Variants in MAP2K5 observed in about 807,000 individuals in gnomAD.
The protein encoded by MAP2K5 is mitogen-activated protein kinase kinase 5.
A neutral mutation model predicts 83.1 loss-of-function variants in MAP2K5; 49 were observed. The ratio of observed to expected loss-of-function variants is 0.59; its 90% CI spans 0.47 to 0.75. MAP2K5 has a LOEUF of 0.75. MAP2K5 is among the 30% of genes least tolerant of loss of function. The pLI is 0.00. For synonymous variants in MAP2K5, 202 were observed against 191.8 expected, an observed-to-expected ratio of 1.05 and a Z score of -0.44; for missense variants, 457 against 557.5, an observed-to-expected ratio of 0.82 and a Z score of 1.82.
At chr15:67,629,472 A>T (rs2141085290) in intron 8 of MAP2K5, among the ~76,000 whole-genome samples, 1 of 152,324 alleles carries the variant, frequency 6.6e-6, no homozygotes, top group East Asian at 1.9e-4. Context: ...TCTTTTTTAA[A>T]AAAATATTTG....
In MAP2K5 at chr15:67,738,406, C is replaced by G. The variant is rs2089393925; in HGVS notation, c.1075-9825C>G. 6.6e-6 allele frequency among the ~76,000 whole-genome samples: 1 copy of G among 152,212 alleles called. No individual in the cohort carries two copies. Among genetic ancestry groups the G allele is most frequent in the Non-Finnish European group, 1.5e-5 (1 of 68,034 alleles). Reference sequence around the variant, plus strand: ...GATAGCCCTATGCCTTCTTGGTAGCCAGGCAGCTGGAAACACTCAGTGATT... The same window carrying G: ...GATAGCCCTATGCCTTCTTGGTAGCGAGGCAGCTGGAAACACTCAGTGATT... On this transcript the variant is annotated intron_variant, in intron 17 of 21. Coordinates refer to ENST00000178640, the MANE Select transcript of MAP2K5 (RefSeq NM_145160.3). This position sits in a 1 kb window ranked among gnomAD's most constrained non-coding sequence, Gnocchi z 4.1.
At chr15:67,598,269 A>G (rs186861263) in intron 7 of MAP2K5, among the ~76,000 whole-genome samples, 71 of 152,278 alleles carry the variant, frequency 4.7e-4, no homozygotes, top group East Asian at 2.1e-3. Context: ...AAAGGTTTGC[A>G]TAACTTTAAA....
At position 67,573,847 on chromosome 15, in the gene MAP2K5, A is replaced by C. The variant is rs1444860699; in HGVS notation, c.253-6907A>C. 1.3e-5 allele frequency among the ~76,000 whole-genome samples: 2 copies of C among 152,210 alleles called. No homozygotes were observed. The highest frequency in any genetic ancestry group is 4.8e-5 in the African/African-American group (2 of 41,452). ...GAAGACAGTAGTTACACAAAGATGA[A>C]TAATCCTGTGTCACCAGCCTTGTAG... On this transcript the variant is annotated intron_variant, in intron 3 of 21. Transcript: ENST00000178640. The surrounding 1 kb of genome is among the most constrained non-coding windows in gnomAD (Gnocchi z 4.2).
chr15:67,658,355 A>G (rs930309189), intron 11 of MAP2K5, among the ~76,000 whole-genome samples, 198 bp from the exon 12 acceptor site: 5 of 152,164 alleles, frequency 3.3e-5, no homozygotes, highest in Non-Finnish European at 5.9e-5. Flanking sequence ...TCAGAATAAA[A>G]TGGAAATATC....
Position 67,757,195 on chromosome 15 carries a change from C to G in MAP2K5, c.1134+8594C>G, listed in dbSNP as rs1418001503. Reference sequence around the variant, plus strand: ...ATAAGGGTTCCCTTTTCTCCACATCCTCACCATCCCTAGTTACCTTTTGAC... The same window carrying G: ...ATAAGGGTTCCCTTTTCTCCACATCGTCACCATCCCTAGTTACCTTTTGAC... On this transcript the variant is annotated intron_variant, in intron 19 of 21. Coordinates refer to ENST00000178640, the MANE Select transcript of MAP2K5 (RefSeq NM_145160.3). This position sits in a 1 kb window ranked among gnomAD's most constrained non-coding sequence, Gnocchi z 4.9. Among the ~76,000 whole-genome samples the G allele has an allele frequency of 1.3e-5, 2 of 152,184 alleles. No homozygotes were observed. Among genetic ancestry groups the G allele is most frequent in the African/African-American group, 4.8e-5 (2 of 41,430 alleles).
At chr15:67,580,134 T>A (rs1380764658) in intron 3 of MAP2K5, among the ~76,000 whole-genome samples, 1 of 152,224 alleles carries the variant, frequency 6.6e-6, no homozygotes, top group African/African-American at 2.4e-5. Context: ...CTTAGAACTT[T>A]ATTTTTTGTG....
At chr15:67,588,159 T>C in intron 6 of MAP2K5, 3 of 949,742 alleles carry the variant, frequency 3.2e-6, no homozygotes, top group Non-Finnish European at 3.8e-6. Context: ...CCTTCACATA[T>C]GGGTGCTCTG....
rs944886585 is a variant in MAP2K5, at chr15:67,782,191, C to T, written c.1242+9439C>T. On this transcript the variant is annotated intron_variant, in intron 21 of 21. Coordinates refer to ENST00000178640, the MANE Select transcript of MAP2K5 (RefSeq NM_145160.3). This position sits in a 1 kb window ranked among gnomAD's most constrained non-coding sequence, Gnocchi z 4.9. ...CCTTTCACAAAGAGGCAGTGTCTCC[C>T]GCCTCTGCGGTTTCAATAATTTTAA... Among the ~76,000 whole-genome samples, 7 of 152,314 alleles carry T rather than the reference C, an allele frequency of 4.6e-5. No individual in the cohort carries two copies. The highest frequency in any genetic ancestry group is 8.8e-5 in the Non-Finnish European group (6 of 68,036).
At chr15:67,648,577 C>CT (rs56211889) in intron 11 of MAP2K5, among the ~76,000 whole-genome samples, 3 of 141,376 alleles carry the variant, frequency 2.1e-5, no homozygotes, top group African/African-American at 7.8e-5. Context: ...GTTTTCAGTT[C>CT]TTTTTTTTTT....
rs1218109275 is a variant in MAP2K5 at position 67,770,070 on chromosome 15, T to A, written c.1196+407T>A. 6.3e-6 allele frequency: 1 copy of A among 158,160 alleles called. No individual in the cohort carries two copies. The highest frequency in any genetic ancestry group is 1.4e-5 in the Non-Finnish European group (1 of 72,178). 9.8% of individuals were successfully genotyped at this position (158,160 alleles called of 1,614,324 possible). ...CACTTAGTGGAAGCAGCATAGTTTA[T>A]TAATTCATCGGATTTTCAGTAAATA... On this transcript the variant is annotated intron_variant, in intron 20 of 21. Coordinates refer to ENST00000178640, the MANE Select transcript of MAP2K5 (RefSeq NM_145160.3). The surrounding 1 kb of genome is among the most constrained non-coding windows in gnomAD (Gnocchi z 5.0).
At chr15:67,703,882 T>G (rs2141216316) in intron 16 of MAP2K5, among the ~76,000 whole-genome samples, 1 of 152,040 alleles carries the variant, frequency 6.6e-6, no homozygotes, top group South Asian at 2.1e-4. Flanking sequence ...TTATATATGT[T>G]TGTTTTAAAA....
intron 3 of MAP2K5, among the ~76,000 whole-genome samples, chr15:67,576,917 C>G (rs1240832001): frequency 7.3e-6 from 1 of 137,854 alleles, no homozygotes; most frequent in Non-Finnish European, 1.6e-5. Context: ...TCACAGTAAC[C>G]CTATATATAT....
intron 14 of MAP2K5, among the ~76,000 whole-genome samples, chr15:67,692,857 A>AG (rs774210059): frequency 1.3e-5 from 2 of 152,232 alleles, no homozygotes; most frequent in Admixed American, 6.5e-5. Flanking sequence ...GGGAGGGCAG[A>AG]GTGGGAGCTG....
intron 16 of MAP2K5, among the ~76,000 whole-genome samples, chr15:67,716,307 C>G (rs761392703): frequency 2.6e-4 from 39 of 152,078 alleles, no homozygotes; most frequent in African/African-American, 9.2e-4. Flanking sequence ...TGCCATTGCA[C>G]TCCAGCAACC....
intron 7 of MAP2K5, among the ~76,000 whole-genome samples, chr15:67,594,053 G>T (rs1057376101): frequency 5.3e-5 from 8 of 152,156 alleles, no homozygotes; most frequent in Non-Finnish European, 1.2e-4. Flanking sequence ...ACAATTCCTT[G>T]AATACAGTTA....
Position 67,641,230 on chromosome 15 carries a change from T to C in MAP2K5, c.586-5001T>C, listed in dbSNP as rs965734691. Among the ~76,000 whole-genome samples the C allele has an allele frequency of 3.3e-5, 5 of 152,358 alleles. No individual in the cohort carries two copies. In the East Asian group the frequency reaches 5.8e-4, roughly 18 times the overall value. On this transcript the variant is annotated intron_variant, in intron 9 of 21. Coordinates refer to ENST00000178640, the MANE Select transcript of MAP2K5 (RefSeq NM_145160.3). The stretch of plus-strand genomic sequence containing the variant: ...CATTGTATATTGCATGTGCCAATTA[T>C]CATTCTTTGACTGCTTTGGGTTTCT...
intron 9 of MAP2K5, among the ~76,000 whole-genome samples, chr15:67,639,169 A>G (rs1403948261): frequency 6.6e-6 from 1 of 152,230 alleles, no homozygotes; most frequent in African/African-American, 2.4e-5. Context: ...AAAGGAAATT[A>G]TCAACAGGGT....
intron 7 of MAP2K5, among the ~76,000 whole-genome samples, chr15:67,600,151 T>C (rs947138368): frequency 2.0e-5 from 3 of 152,242 alleles, no homozygotes; most frequent in Admixed American, 2.0e-4. Flanking sequence ...TATTGCTGTA[T>C]ACTAGTTTGT....
chr15:67,693,388 A>G, intron 14 of MAP2K5, 130 bp from the exon 15 acceptor site: 1 of 709,594 alleles, frequency 1.4e-6, no homozygotes, highest in Non-Finnish European at 2.5e-6. Flanking sequence ...TTTGTAGATA[A>G]ATTTGTTCCC....
Sources: gnomAD v4.1 joint callset for allele counts (sites outside exome capture counted in the v4.1 genomes callset) on GRCh38, gnomAD v4.1.1 for gene constraint, Gnocchi (gnomAD v3.1) non-coding constraint, MANE v1.5 for transcripts, NCBI Gene and HGNC (gene_info 2026-07-23, HGNC 2026-07-21) for gene names.